Variants in LHFPL3 observed in about 807,000 individuals in gnomAD.
The protein encoded by LHFPL3 is LHFPL tetraspan subfamily member 3 protein.
In LHFPL3, 5 loss-of-function variants were observed where a neutral mutation model predicts 19.3. The ratio of observed to expected loss-of-function variants is 0.26; its 90% CI spans 0.14 to 0.54. The LOEUF is 0.54. LHFPL3 is among the 20% of genes least tolerant of loss of function. LHFPL3 has a pLI of 0.94. For synonymous variants in LHFPL3, 133 were observed against 126.2 expected, an observed-to-expected ratio of 1.05 and a Z score of -0.36; for missense variants, 249 against 307.4, an observed-to-expected ratio of 0.81 and a Z score of 1.42.
intron 1 of LHFPL3, among the ~76,000 whole-genome samples, chr7:104,685,179 T>C (rs1379418692): frequency 6.6e-6 from 1 of 152,054 alleles, no homozygotes; most frequent in African/African-American, 2.4e-5. Flanking sequence ...AAACCCCATC[T>C]CTACTAAAAA....
rs1207145940 is a variant in LHFPL3 at position 104,399,923 on chromosome 7, G to A, written c.445+70699G>A. ...GTTTGAGACCAGCCTGGCCAACATG[G>A]TTAAACCCTGTCTCTACTAAAAATA... On this transcript the variant is annotated intron_variant, in intron 1 of 2. Transcript: ENST00000424859. The surrounding 1 kb of genome is among the most constrained non-coding windows in gnomAD (Gnocchi z 4.4). 6.6e-6 allele frequency among the ~76,000 whole-genome samples: 1 copy of A among 150,842 alleles called. No individual in the cohort carries two copies. The highest frequency in any genetic ancestry group is 1.5e-5 in the Non-Finnish European group (1 of 67,698).
chr7:104,344,013 C>T (rs1790014542), intron 1 of LHFPL3, among the ~76,000 whole-genome samples: 1 of 152,042 alleles, frequency 6.6e-6, no homozygotes, highest in African/African-American at 2.4e-5. Context: ...TTTGCAAATA[C>T]TAATTAGATT....
rs901021064 is a variant in LHFPL3 at position 104,859,280 on chromosome 7, C to CA, written c.683-46901dup. On this transcript the variant is annotated intron_variant, in intron 2 of 2. Coordinates refer to ENST00000424859, the MANE Select transcript of LHFPL3 (RefSeq NM_199000.3). ...AGACACTGTCTCAAAAAAAAAAAAA[C>CA]AAAAAACCAAAATCTGTTATTCACA... Among the ~76,000 whole-genome samples, 78 of 140,200 alleles carry CA rather than the reference C, an allele frequency of 5.6e-4. 1 individual carries two copies. Among genetic ancestry groups the CA allele is most frequent in the African/African-American group, 2.0e-3 (75 of 38,180 alleles). The allele number at this position is 140,200 out of a possible 152,430, so 92.0% of individuals were successfully genotyped here.
intron 1 of LHFPL3, among the ~76,000 whole-genome samples, chr7:104,429,350 G>A (rs897943366): frequency 8.0e-6 from 1 of 125,566 alleles, no homozygotes; most frequent in Non-Finnish European, 1.6e-5. Context: ...TCTTGTTGCC[G>A]AGGCTGGAGT....
intron 2 of LHFPL3, among the ~76,000 whole-genome samples, chr7:104,740,973 GA>G (rs150789626): frequency 0.016 from 2,426 of 152,270 alleles, 70 homozygotes; most frequent in African/African-American, 0.056. Flanking sequence ...TAAGGGAAGG[GA>G]AAAAGCTCAA....
At chr7:104,592,350 C>T (rs982537377) in intron 1 of LHFPL3, among the ~76,000 whole-genome samples, 1 of 151,516 alleles carries the variant, frequency 6.6e-6, no homozygotes, top group African/African-American at 2.4e-5. Flanking sequence ...ACAGTAAGGA[C>T]CCTCAGCTGC....
At chr7:104,538,569 T>C (rs1254715452) in intron 1 of LHFPL3, among the ~76,000 whole-genome samples, 1 of 152,232 alleles carries the variant, frequency 6.6e-6, no homozygotes, top group Non-Finnish European at 1.5e-5. Context: ...ATGTTTGCCA[T>C]TGTTTTCTTT....
At chr7:104,806,958 C>G (rs928265487) in intron 2 of LHFPL3, among the ~76,000 whole-genome samples, 1 of 151,012 alleles carries the variant, frequency 6.6e-6, no homozygotes, top group African/African-American at 2.4e-5. Context: ...CTAATAATTT[C>G]ATTTATTCCT....
chr7:104,665,303 C>A (rs1460802264), intron 1 of LHFPL3, among the ~76,000 whole-genome samples: 12 of 152,184 alleles, frequency 7.9e-5, no homozygotes, highest in African/African-American at 2.9e-4. Flanking sequence ...GAACACTCAG[C>A]AACTGGGTCC....
At chr7:104,816,792 C>T (rs540852844) in intron 2 of LHFPL3, among the ~76,000 whole-genome samples, 1 of 152,344 alleles carries the variant, frequency 6.6e-6, no homozygotes, top group South Asian at 2.1e-4. Flanking sequence ...ACCATCTCAC[C>T]TTGCCTGACT....
intron 2 of LHFPL3, among the ~76,000 whole-genome samples, chr7:104,811,109 CTTT>C (rs1210158951): frequency 6.6e-6 from 1 of 150,582 alleles, no homozygotes; most frequent in African/African-American, 2.4e-5. Flanking sequence ...AGATCTCTTT[CTTT>C]CTCTCTCTTT....
intron 1 of LHFPL3, among the ~76,000 whole-genome samples, chr7:104,398,212 A>G (rs1350564003): frequency 6.6e-6 from 1 of 152,178 alleles, no homozygotes; most frequent in Admixed American, 6.5e-5. Context: ...ATCTTGTAAC[A>G]AGTTCATGGT....
chr7:104,464,913 T>C (rs1792748382), intron 1 of LHFPL3, among the ~76,000 whole-genome samples: 1 of 152,256 alleles, frequency 6.6e-6, no homozygotes, highest in South Asian at 2.1e-4. Flanking sequence ...GGCTTGAATT[T>C]CTTCCCAGAA....
At chr7:104,568,618 T>C (rs1053863514) in intron 1 of LHFPL3, among the ~76,000 whole-genome samples, 5 of 152,222 alleles carry the variant, frequency 3.3e-5, no homozygotes, top group African/African-American at 1.2e-4. Flanking sequence ...TACTGGTGTC[T>C]GTACAGCCTC....
intron 1 of LHFPL3, among the ~76,000 whole-genome samples, chr7:104,563,438 C>T (rs148601099): frequency 8.8e-3 from 1,334 of 151,058 alleles, no homozygotes; most frequent in African/African-American, 0.03. Flanking sequence ...GGGAGTGACC[C>T]GATTTTCCAG....
intron 1 of LHFPL3, among the ~76,000 whole-genome samples, chr7:104,349,523 C>A (rs901895546): frequency 2.0e-5 from 3 of 152,134 alleles, no homozygotes; most frequent in Non-Finnish European, 4.4e-5. Context: ...TAAGAAGATG[C>A]CTTTGATTTT....
At chr7:104,734,663 A>G (rs544459474) in intron 1 of LHFPL3, among the ~76,000 whole-genome samples, 4 of 152,306 alleles carry the variant, frequency 2.6e-5, no homozygotes, top group South Asian at 2.1e-4. Context: ...CATGGGTTCA[A>G]ACTTCCTCTT....
chr7:104,547,606 G>A (rs936111439), intron 1 of LHFPL3, among the ~76,000 whole-genome samples: 3 of 152,192 alleles, frequency 2.0e-5, no homozygotes, highest in Admixed American at 6.5e-5. Context: ...CATGGTTGCT[G>A]ATGATGGCAG....
At chr7:104,405,909 C>T (rs1406044347) in intron 1 of LHFPL3, among the ~76,000 whole-genome samples, 1 of 152,150 alleles carries the variant, frequency 6.6e-6, no homozygotes, top group Admixed American at 6.5e-5. Flanking sequence ...ATTTATGAAT[C>T]CTGTCTTATG....
Sources: allele counts gnomAD v4.1 joint callset (sites outside exome capture counted in the v4.1 genomes callset), GRCh38; gene constraint gnomAD v4.1.1; non-coding constraint Gnocchi (gnomAD v3.1); transcripts MANE v1.5; gene names NCBI Gene and HGNC (gene_info 2026-07-23, HGNC 2026-07-21).